The following LRP1B variants were observed in gnomAD, a reference collection of about 807,000 sequenced individuals.
LRP1B encodes LDL receptor related protein 1B.
A neutral mutation model predicts 556.6 loss-of-function variants in LRP1B; 217 were observed. That is an observed-to-expected ratio of 0.39 (90% CI 0.35 to 0.44). The LOEUF (loss-of-function observed/expected upper bound fraction) is 0.44, where lower values mean the gene tolerates loss of function less well. LRP1B is among the 20% of genes least tolerant of loss of function. The probability of loss-of-function intolerance (pLI) is 1.00; values close to 1 mark genes in which losing one functional copy is unlikely to be tolerated. For missense variants in LRP1B, 5,053 were observed against 5,620.8 expected (o/e 0.90, Z 3.23); for synonymous variants, 2,047 against 1,865.8 (o/e 1.10, Z -2.50).
At chr2:141,057,625 G>A (rs188669770) in intron 9 of LRP1B, among the ~76,000 whole-genome samples, 211 of 151,856 alleles carry the variant, frequency 1.4e-3, no homozygotes, top group African/African-American at 4.4e-3. Flanking sequence ...GGGTTTTCCT[G>A]CACAAGCTCT....
rs61107233 is a variant in LRP1B at position 141,647,703 on chromosome 2, G to GT, written c.205+162575dup. ...GTTTAGAACAGGGAATAACCTTCTA[G>GT]TTTTTTTTTTTTTAAATAAGAGAGA... is the stretch of plus-strand genomic sequence containing the variant. On this transcript the variant is annotated intron_variant, in intron 2 of 90. Coordinates refer to ENST00000389484, the MANE Select transcript of LRP1B (RefSeq NM_018557.3). Among the ~76,000 whole-genome samples the GT allele has an allele frequency of 9.6e-3, 1,399 of 145,388 alleles. 13 individuals are homozygous for GT. The highest frequency in any genetic ancestry group is 0.023 in the African/African-American group (930 of 39,972).
chr2:140,804,225 A>T (rs144062456), intron 32 of LRP1B, among the ~76,000 whole-genome samples: 1 of 152,238 alleles, frequency 6.6e-6, no homozygotes, highest in East Asian at 1.9e-4. Context: ...ACTCCTTTCA[A>T]ATCAGATTTC....
intron 83 of LRP1B, among the ~76,000 whole-genome samples, chr2:140,312,809 AGAAAAACTCATTCCTACAT>A (rs1684365532): frequency 6.6e-6 from 1 of 151,940 alleles, no homozygotes; most frequent in Admixed American, 6.6e-5. Flanking sequence ...TTAAGGAATG[AGAAAAACTCATTCCTACAT>A]GTAAAATTTT....
intron 1 of LRP1B, among the ~76,000 whole-genome samples, chr2:141,935,010 C>T (rs1486500282): frequency 1.3e-5 from 2 of 151,358 alleles, no homozygotes; most frequent in East Asian, 4.0e-4. Flanking sequence ...GGAAAACTGG[C>T]ATAAACTGGA....
intron 2 of LRP1B, among the ~76,000 whole-genome samples, chr2:141,767,840 C>A (rs1278310098): frequency 1.3e-5 from 2 of 152,092 alleles, no homozygotes; most frequent in Non-Finnish European, 2.9e-5. Flanking sequence ...TTTTTCTGTT[C>A]CATGGCAATT....
chr2:141,286,861 G>A (rs547751154), intron 3 of LRP1B: 2 of 324,212 alleles, frequency 6.2e-6, no homozygotes, highest in East Asian at 8.7e-5. Context: ...CTGTAATAAT[G>A]GAAATATTCT....
intron 7 of LRP1B, among the ~76,000 whole-genome samples, chr2:141,096,857 A>T (rs2104927971): frequency 6.6e-6 from 1 of 152,224 alleles, no homozygotes; most frequent in Non-Finnish European, 1.5e-5. Flanking sequence ...ACACTTCCGG[A>T]GGCCTGTAGA....
chr2:141,185,683 CAAACAAAAAA>C (rs1324148851), intron 7 of LRP1B, among the ~76,000 whole-genome samples: 56 of 74,354 alleles, frequency 7.5e-4, no homozygotes, highest in Admixed American at 1.9e-3. Flanking sequence ...GAAAAACAAA[CAAACAAAAAA>C]AAACAAAAAA....
intron 1 of LRP1B, among the ~76,000 whole-genome samples, chr2:141,881,811 T>C (rs1281086417): frequency 6.6e-6 from 1 of 152,130 alleles, no homozygotes. Context: ...TCAAATCACC[T>C]AGAAATCAGT....
intron 56 of LRP1B, among the ~76,000 whole-genome samples, chr2:140,494,769 A>G (rs1688845898): frequency 6.6e-6 from 1 of 152,062 alleles, no homozygotes; most frequent in African/African-American, 2.4e-5. Flanking sequence ...TTTAAAATTA[A>G]TATCTCTGAT....
intron 1 of LRP1B, among the ~76,000 whole-genome samples, chr2:142,086,849 T>C (rs1297937571): frequency 6.6e-6 from 1 of 152,186 alleles, no homozygotes; most frequent in Non-Finnish European, 1.5e-5. Flanking sequence ...CAGAGTTAGG[T>C]AAGAAAATTA....
intron 11 of LRP1B, among the ~76,000 whole-genome samples, chr2:141,043,872 C>T (rs1257373021): frequency 2.0e-5 from 3 of 151,976 alleles, no homozygotes; most frequent in Non-Finnish European, 4.4e-5. Context: ...TCAATGCCAT[C>T]CCCATCAAGC....
chr2:141,686,393 C>T (rs750199054), intron 2 of LRP1B, among the ~76,000 whole-genome samples: 7 of 151,916 alleles, frequency 4.6e-5, no homozygotes, highest in Non-Finnish European at 1.0e-4. Context: ...GAAGACTACC[C>T]CTATGTCCCT....
chr2:140,442,725 G>C, intron 65 of LRP1B, 102 bp from the exon 66 acceptor site: 1 of 1,164,760 alleles, frequency 8.6e-7, no homozygotes, highest in Non-Finnish European at 1.2e-6. Flanking sequence ...ATCGAAAAAT[G>C]TATTGTCTTT....
intron 1 of LRP1B, among the ~76,000 whole-genome samples, chr2:141,991,004 C>T (rs775395334): frequency 1.3e-5 from 2 of 152,002 alleles, no homozygotes; most frequent in Admixed American, 6.6e-5. Flanking sequence ...GGTCCCTACC[C>T]GTTTTTCATT....
chr2:140,869,389 C>T (rs1693054546), intron 25 of LRP1B, among the ~76,000 whole-genome samples: 1 of 152,008 alleles, frequency 6.6e-6, no homozygotes, highest in Non-Finnish European at 1.5e-5. Context: ...CTGTAACACT[C>T]CTGCCTGCCA....
chr2:141,651,156 G>A (rs1034798202), intron 2 of LRP1B, among the ~76,000 whole-genome samples: 1 of 152,004 alleles, frequency 6.6e-6, no homozygotes, highest in African/African-American at 2.4e-5. Flanking sequence ...AATTTATTGG[G>A]TTTTATTCCA....
At chr2:140,579,641 A>G (rs1681679993) in intron 43 of LRP1B, among the ~76,000 whole-genome samples, 1 of 152,174 alleles carries the variant, frequency 6.6e-6, no homozygotes, top group Non-Finnish European at 1.5e-5. Context: ...CAGGAGTTCA[A>G]GACCAGCCTG....
chr2:141,321,472 G>A lies in LRP1B; in HGVS notation c.344-66831C>T, dbSNP rs552053388. Among the ~76,000 whole-genome samples the A allele has an allele frequency of 3.9e-5, 6 of 152,180 alleles. No homozygotes were observed. In the East Asian group the frequency reaches 1.2e-3, roughly 29 times the overall value. On this transcript the variant is annotated intron_variant, in intron 3 of 90. Coordinates refer to ENST00000389484, the MANE Select transcript of LRP1B (RefSeq NM_018557.3). The stretch of plus-strand genomic sequence containing the variant: ...TTTAGGTTGTCTCAAGAAAGAATAT[G>A]AGGTCCTTTTTTAACAGTATGAAAA...
Sources: allele counts gnomAD v4.1 joint callset (sites outside exome capture counted in the v4.1 genomes callset), GRCh38; gene constraint gnomAD v4.1.1; transcripts MANE v1.5; gene names NCBI Gene and HGNC (gene_info 2026-07-23, HGNC 2026-07-21).